The following GRIK5 variants were observed in gnomAD, a reference collection of about 807,000 sequenced individuals.
GRIK5 encodes glutamate receptor ionotropic, kainate 5.
Under a neutral mutation model 97.4 loss-of-function variants are expected in GRIK5, and 43 were observed. The observed-to-expected ratio is 0.44, with a 90% confidence interval of 0.35 to 0.57. GRIK5 has a LOEUF of 0.57. Ranked by LOEUF, GRIK5 falls within the 20% of genes least tolerant of loss-of-function variation. The pLI is 0.01. For synonymous variants in GRIK5, 580 were observed against 583.5 expected (o/e 0.99, Z 0.09); for missense variants, 1,015 against 1,382.0 (o/e 0.73, Z 4.21).
Position 42,053,593 on chromosome 19 carries a change from G to A in GRIK5, c.1269+9C>T, listed in dbSNP as rs758227029. The A allele has an allele frequency of 3.5e-5, 54 of 1,534,112 alleles. No homozygotes were observed. The highest frequency in any genetic ancestry group is 4.8e-5 in the Non-Finnish European group (53 of 1,107,328). ...CGCCACTCCCAGGCCCCCATCTAGGGCCACTCACCAGGATGGTTGTGACCA... is the reference window on the plus strand; with the variant it reads ...CGCCACTCCCAGGCCCCCATCTAGGACCACTCACCAGGATGGTTGTGACCA... On this transcript the variant is annotated intron_variant, in intron 11 of 19. Transcript: ENST00000593562.
Position 42,065,825 on chromosome 19 carries a change from A to T in GRIK5, c.-50-5T>A. ...GCCGCGGCCCCCACTCGCCACCTGC[A>T]GGGAGACCCCCCAGACCAAGGGGAG... is the stretch of plus-strand genomic sequence containing the variant. On this transcript the variant is annotated splice_region_variant and splice_polypyrimidine_tract_variant and intron_variant, in intron 1 of 19. Transcript: ENST00000593562. This position sits in a 1 kb window ranked among gnomAD's most constrained non-coding sequence, Gnocchi z 5.8. 7.1e-7 allele frequency: 1 copy of T among 1,402,756 alleles called. No individual in the cohort carries two copies. The highest frequency in any genetic ancestry group is 1.2e-5 in the South Asian group (1 of 81,280). The allele number at this position is 1,402,756 out of a possible 1,614,324, so 86.9% of individuals were successfully genotyped here.
chr19:42,062,771 C>G lies in GRIK5; in HGVS notation c.329G>C (p.Cys110Ser). ...TCCCCATCTCACCTCCTTCTCTCCA[C>G]AGATATGGCTCACGGTGGAGGCAGA... The part of the protein sequence containing the change: ...PASASTVSHI[C>S]GEKEIPHIKV... The change falls in exon 4 of 20, where the codon TGT becomes TCT. Residue 110 changes from cysteine to serine, a missense_variant. Cys to Ser is a moderately radical substitution (Grantham distance 112). This residue lies in a region of GRIK5 where 198 missense variants were observed against 218.2 expected (regional missense o/e 0.91). Coordinates refer to ENST00000593562, the MANE Select transcript of GRIK5 (RefSeq NM_002088.5). The surrounding 1 kb of genome is among the most constrained non-coding windows in gnomAD (Gnocchi z 5.3). 6.2e-7 allele frequency: 1 copy of G among 1,613,908 alleles called. No individual in the cohort carries two copies. The highest frequency in any genetic ancestry group is 8.5e-7 in the Non-Finnish European group (1 of 1,179,744).
chr19:42,037,315 C>T (rs10407398), intron 12 of GRIK5, among the ~76,000 whole-genome samples: 7,104 of 152,210 alleles, frequency 0.047, 225 homozygotes, highest in Non-Finnish European at 0.065. Flanking sequence ...CAAAAATAGC[C>T]GGGCATTGTG....
In GRIK5 at chr19:41,999,211, C is replaced by T. The variant is rs2075405096; in HGVS notation, c.2603G>A (p.Gly868Asp). 1 of 1,518,764 alleles carries T rather than the reference C, an allele frequency of 6.6e-7. No homozygotes were observed. Among genetic ancestry groups the T allele is most frequent in the African/African-American group, 1.4e-5 (1 of 70,052 alleles). The allele number at this position is 1,518,764 out of a possible 1,614,324, so 94.1% of individuals were successfully genotyped here. A position where few individuals can be genotyped will look rare whatever the true frequency, so the allele number is the denominator to read the frequency against. The change falls in exon 20 of 20, where the codon GGC becomes GAC. Residue 868 changes from glycine to aspartate, a missense_variant. Physicochemically the swap from Gly to Asp is moderately conservative, Grantham distance 94. This residue lies in a region of GRIK5 where 229 missense variants were observed against 341.0 expected (regional missense o/e 0.67). Transcript: ENST00000593562. This position sits in a 1 kb window ranked among gnomAD's most constrained non-coding sequence, Gnocchi z 5.0. Reference sequence around the variant, plus strand: ...TGACAGCAGGGCCCGGCTCGGGCCGCCCGGGCGTCGGCGCCGGCGGGAACG... The same window carrying T: ...TGACAGCAGGGCCCGGCTCGGGCCGTCCGGGCGTCGGCGCCGGCGGGAACG... ...TSRSRRRRRPGGPSRALLSLR... is the reference protein window; with the variant it reads ...TSRSRRRRRPDGPSRALLSLR...
At chr19:42,043,192 C>G (rs1238793519) in intron 11 of GRIK5, among the ~76,000 whole-genome samples, 2 of 152,116 alleles carry the variant, frequency 1.3e-5, no homozygotes, top group Admixed American at 6.6e-5. Context: ...AGACTTAATT[C>G]CACAGAACAG....
intron 15 of GRIK5, among the ~76,000 whole-genome samples, chr19:42,012,868 A>C (rs567986489): frequency 6.1e-5 from 9 of 147,464 alleles, no homozygotes; most frequent in Non-Finnish European, 1.2e-4. Flanking sequence ...TATTGCCTCA[A>C]AAAAAAAAAA....
intron 6 of GRIK5, 120 bp from the exon 7 acceptor site, chr19:42,057,098 G>C (rs1395383979): frequency 1.2e-5 from 9 of 750,418 alleles, no homozygotes; most frequent in Admixed American, 8.3e-5. Context: ...ACACTCCATG[G>C]GAAACACAGT....
chr19:42,006,069 AAGAC>A lies in GRIK5; in HGVS notation c.2038-125_2038-122del. 1 of 658,922 alleles carries A rather than the reference AAGAC, an allele frequency of 1.5e-6. No individual in the cohort carries two copies. The highest frequency in any genetic ancestry group is 2.8e-6 in the Non-Finnish European group (1 of 359,020). 40.8% of individuals were successfully genotyped at this position (658,922 alleles called of 1,614,324 possible). On this transcript the variant is annotated intron_variant, in intron 16 of 19. Transcript: ENST00000593562. This position sits in a 1 kb window ranked among gnomAD's most constrained non-coding sequence, Gnocchi z 5.3. ...CAGGAGAATGCAAGGTGATCAAAGG[AAGAC>A]AGAGCCAAAGGTAGAGGAGAGAGAG...
intron 15 of GRIK5, among the ~76,000 whole-genome samples, chr19:42,011,122 C>T (rs562671559): frequency 1.3e-5 from 2 of 151,054 alleles, no homozygotes; most frequent in Admixed American, 1.3e-4. Context: ...ATCTAACACA[C>T]ACACACACAC....
intron 15 of GRIK5, among the ~76,000 whole-genome samples, chr19:42,010,875 A>C (rs1360754310): frequency 2.0e-5 from 3 of 152,116 alleles, no homozygotes; most frequent in Non-Finnish European, 2.9e-5. Flanking sequence ...GCGTGAACAC[A>C]GCTCACTGCA....
intron 11 of GRIK5, 92 bp downstream of exon 11, chr19:42,053,510 G>T: frequency 1.2e-6 from 1 of 801,890 alleles, no homozygotes; most frequent in Non-Finnish European, 2.2e-6. Flanking sequence ...CCTATGCGCT[G>T]TGCCAGCCAA....
chr19:42,054,222 G>A, intron 9 of GRIK5, 98 bp downstream of exon 9: 2 of 1,314,648 alleles, frequency 1.5e-6, no homozygotes, highest in East Asian at 2.3e-5. Flanking sequence ...ACGGTGGGAA[G>A]AGCAGGGAGG....
intron 1 of GRIK5, among the ~76,000 whole-genome samples, chr19:42,067,732 A>T (rs2076357607): frequency 6.6e-6 from 1 of 152,152 alleles, no homozygotes; most frequent in South Asian, 2.1e-4. Flanking sequence ...GGACACAGAG[A>T]TACACACAGA....
Position 42,069,344 on chromosome 19 carries a change from C to G in GRIK5, c.-154G>C, listed in dbSNP as rs997553909. ...GGTGGGGCTGGGCGGGGGGAGAGGG[C>G]AGTCCACAGGGCCCCCTCCCCCGCC... is the stretch of plus-strand genomic sequence containing the variant. On this transcript the variant is annotated 5_prime_UTR_variant, in exon 1 of 20. Transcript: ENST00000593562. The G allele has an allele frequency of 6.3e-6, 1 of 159,050 alleles. No homozygotes were observed. The highest frequency in any genetic ancestry group is 1.4e-5 in the Non-Finnish European group (1 of 73,198). The allele number at this position is 159,050 out of a possible 1,614,324, so 9.9% of individuals were successfully genotyped here. A position where few individuals can be genotyped will look rare whatever the true frequency, so the allele number is the denominator to read the frequency against.
chr19:42,054,394 C>A lies in GRIK5; in HGVS notation c.982G>T (p.Gly328Cys). ...GATGTACAGGCCAGAGGCTTCACAC[C>A]GATCTCCTGGCTGCGGTTCAGCTCT... ...VRELNRSQEI[G>C]VKPLACTSAN... is the part of the protein sequence containing the mutation. The change falls in exon 9 of 20, where the codon GGT becomes TGT. Residue 328 changes from glycine (G) to cysteine (C), a missense_variant. By Grantham distance (159) the Gly-to-Cys change is radical. Transcript: ENST00000593562. The A allele has an allele frequency of 6.2e-7, 1 of 1,613,776 alleles. No individual in the cohort carries two copies.
Position 42,022,505 on chromosome 19 carries a change from C to A in GRIK5, c.1474-151G>T. 1 of 1,454,864 alleles carries A rather than the reference C, an allele frequency of 6.9e-7. No homozygotes were observed. 90.1% of individuals were successfully genotyped at this position (1,454,864 alleles called of 1,614,324 possible). ...GAGGGGCCAGGAGCATGGACTGACT[C>A]CAGGAGCCCACCTTGGGCCTGAAAT... On this transcript the variant is annotated intron_variant, in intron 12 of 19. Transcript: ENST00000593562. This position sits in a 1 kb window ranked among gnomAD's most constrained non-coding sequence, Gnocchi z 4.2.
intron 1 of GRIK5, 163 bp downstream of exon 1, chr19:42,069,078 T>C (rs1481509997): frequency 6.6e-6 from 3 of 455,738 alleles, no homozygotes; most frequent in Non-Finnish European, 1.2e-5. Flanking sequence ...TCGAGGTGAA[T>C]GGACGCTGAG....
At chr19:42,014,141 C>T (rs1199056195) in intron 15 of GRIK5, among the ~76,000 whole-genome samples, 1 of 151,996 alleles carries the variant, frequency 6.6e-6, no homozygotes, top group Non-Finnish European at 1.5e-5. Context: ...CACCTGTAAT[C>T]CCAGCACTTT....
intron 12 of GRIK5, among the ~76,000 whole-genome samples, chr19:42,036,309 G>T (rs947443350): frequency 6.6e-6 from 1 of 151,528 alleles, no homozygotes; most frequent in Admixed American, 6.6e-5. Flanking sequence ...TGATCTGCTC[G>T]CCTTGGCCTC....
Sources: allele counts gnomAD v4.1 joint callset (sites outside exome capture counted in the v4.1 genomes callset), GRCh38; gene constraint gnomAD v4.1.1; regional missense constraint gnomAD v4.1.1; non-coding constraint Gnocchi (gnomAD v3.1); transcripts MANE v1.5; gene names NCBI Gene and HGNC (gene_info 2026-07-23, HGNC 2026-07-21).